DYRK1A: variants seen among roughly 807,000 people sequenced by gnomAD.
DYRK1A encodes dual specificity tyrosine phosphorylation regulated kinase 1A, also known as dual specificity tyrosine-phosphorylation-regulated kinase 1A.
Under a neutral mutation model 79.7 loss-of-function variants are expected in DYRK1A, and 9 were observed. The observed-to-expected ratio is 0.11, with a 90% CI of 0.07 to 0.20. The LOEUF is 0.20. Ranked by LOEUF, DYRK1A falls within the 10% of genes least tolerant of loss-of-function variation. The pLI, the probability that DYRK1A is intolerant of heterozygous loss-of-function variation, is 1.00. For synonymous variants in DYRK1A, 349 were observed against 329.7 expected (o/e 1.06, Z -0.63); for missense variants, 622 against 956.0 (o/e 0.65, Z 4.61).
chr21:37,458,869 CCTT>C (rs1351538979), intron 2 of DYRK1A, among the ~76,000 whole-genome samples: 2 of 152,116 alleles, frequency 1.3e-5, no homozygotes, highest in African/African-American at 4.8e-5. Flanking sequence ...CCCCTGCTCT[CCTT>C]AACTATCCTA....
At position 37,462,786 on chromosome 21, in the gene DYRK1A, AG is replaced by A. The variant is rs545676897; in HGVS notation, c.11-9897del. Among the ~76,000 whole-genome samples, 753 of 152,236 alleles carry A rather than the reference AG, an allele frequency of 4.9e-3. 6 individuals carry two copies. The highest frequency in any genetic ancestry group is 0.018 in the African/African-American group (734 of 41,530). On this transcript the variant is annotated intron_variant, in intron 2 of 11. Transcript: ENST00000647188. ...ATATTGTACCCTGGAAAGTGCCTCT[AG>A]ATAGGAAACCAGGGGGATTGTAGGG... is the stretch of plus-strand genomic sequence containing the variant.
chr21:37,434,982 T>C (rs760178876), intron 2 of DYRK1A, among the ~76,000 whole-genome samples: 1 of 152,232 alleles, frequency 6.6e-6, no homozygotes, highest in Non-Finnish European at 1.5e-5. Flanking sequence ...AAAACTCACA[T>C]GTCTATATAG....
intron 1 of DYRK1A, among the ~76,000 whole-genome samples, chr21:37,403,184 A>G (rs1489897188): frequency 1.3e-5 from 2 of 151,384 alleles, no homozygotes; most frequent in African/African-American, 2.4e-5. Flanking sequence ...TATGTTATTC[A>G]TTTTTAGAGT....
chr21:37,373,628 C>T (rs770008286), intron 1 of DYRK1A, among the ~76,000 whole-genome samples: 1 of 152,216 alleles, frequency 6.6e-6, no homozygotes, highest in African/African-American at 2.4e-5. Flanking sequence ...GGCAGTTTCT[C>T]ACTACATCCA....
intron 6 of DYRK1A, chr21:37,487,893 T>TA (rs1436163274): frequency 6.6e-6 from 1 of 152,160 alleles, no homozygotes; most frequent in Non-Finnish European, 1.5e-5. Context: ...AGTTATAACT[T>TA]ACATGAGGTG....
At position 37,481,860 on chromosome 21, in the gene DYRK1A, AT is replaced by A. The variant is rs201045654; in HGVS notation, c.489+1035del. ...GTCTCTATTCATTTAAAAAAAAAAA[AT>A]GTTAGGGGGATCTCTGGTTGTGGTC... On this transcript the variant is annotated intron_variant, in intron 5 of 11. Coordinates refer to ENST00000647188, the MANE Select transcript of DYRK1A (RefSeq NM_001347721.2). Among the ~76,000 whole-genome samples, 1,416 of 151,362 alleles carry A rather than the reference AT, an allele frequency of 9.4e-3. 25 individuals carry two copies. Among genetic ancestry groups the A allele is most frequent in the African/African-American group, 0.034 (1,373 of 40,798 alleles).
intron 2 of DYRK1A, among the ~76,000 whole-genome samples, chr21:37,461,608 AT>A (rs1234914067): frequency 6.6e-6 from 1 of 152,092 alleles, no homozygotes; most frequent in East Asian, 1.9e-4. Flanking sequence ...CTGAAAAAGT[AT>A]TTTGCCTTCG....
At chr21:37,477,386 G>A (rs934326959) in intron 3 of DYRK1A, among the ~76,000 whole-genome samples, 1 of 152,188 alleles carries the variant, frequency 6.6e-6, no homozygotes, top group Non-Finnish European at 1.5e-5. Flanking sequence ...TTTGACTGAG[G>A]CATGGCACTT....
intron 1 of DYRK1A, among the ~76,000 whole-genome samples, chr21:37,400,408 A>T (rs1028566416): frequency 7.2e-5 from 11 of 152,138 alleles, no homozygotes; most frequent in Admixed American, 3.9e-4. Flanking sequence ...AGCTTATCAC[A>T]CTCCTATAAA....
At chr21:37,469,392 T>C (rs1432023845) in intron 2 of DYRK1A, among the ~76,000 whole-genome samples, 1 of 152,216 alleles carries the variant, frequency 6.6e-6, no homozygotes, top group Non-Finnish European at 1.5e-5. Context: ...CATATTGTTG[T>C]AAAGCAAGGT....
At chr21:37,442,794 C>T (rs2051147905) in intron 2 of DYRK1A, among the ~76,000 whole-genome samples, 1 of 152,014 alleles carries the variant, frequency 6.6e-6, no homozygotes, top group Non-Finnish European at 1.5e-5. Context: ...TCCATGACAT[C>T]CCTTAGATAT....
chr21:37,487,348 CAGA>C (rs1328975849), intron 6 of DYRK1A: 2 of 152,074 alleles, frequency 1.3e-5, no homozygotes, highest in African/African-American at 4.8e-5. Context: ...AAATAGGAGA[CAGA>C]AGAATTATGA....
intron 2 of DYRK1A, among the ~76,000 whole-genome samples, chr21:37,421,121 A>G (rs866452584): frequency 3.2e-4 from 49 of 152,158 alleles, no homozygotes; most frequent in African/African-American, 1.1e-3. Context: ...TAAATTAGGC[A>G]TATTATAAGG....
intron 1 of DYRK1A, among the ~76,000 whole-genome samples, chr21:37,403,465 A>G (rs1038992622): frequency 2.0e-5 from 3 of 151,840 alleles, no homozygotes; most frequent in African/African-American, 7.3e-5. Flanking sequence ...AAAAACAACA[A>G]CAGAGGCAAG....
At chr21:37,487,000 A>T (rs2052894412) in intron 6 of DYRK1A, 1 of 154,088 alleles carries the variant, frequency 6.5e-6, no homozygotes, top group Admixed American at 6.5e-5. Context: ...TGGTTGTGGA[A>T]CCATTTTTGG....
rs1194216990 is a variant in DYRK1A, at chr21:37,514,619, G to T, written c.*2088G>T. 1 of 152,426 alleles carries T rather than the reference G, an allele frequency of 6.6e-6. No individual in the cohort carries two copies. The highest frequency in any genetic ancestry group is 1.5e-5 in the Non-Finnish European group (1 of 68,000). The allele number at this position is 152,426 out of a possible 1,614,324, so 9.4% of individuals were successfully genotyped here. A position where few individuals can be genotyped will look rare whatever the true frequency, so the allele number is the denominator to read the frequency against. ...TGTGAATGGAAACTTGGAAATACTC[G>T]TTTTTATAAACTACAAAAACTTTTT... On this transcript the variant is annotated 3_prime_UTR_variant, in exon 12 of 12. Transcript: ENST00000647188.
chr21:37,384,140 C>T (rs566994795), intron 1 of DYRK1A, among the ~76,000 whole-genome samples: 2 of 152,056 alleles, frequency 1.3e-5, no homozygotes, highest in Non-Finnish European at 2.9e-5. Context: ...CACGTGGCCC[C>T]ACTAAGTTGA....
intron 2 of DYRK1A, chr21:37,464,222 T>C: frequency 6.5e-6 from 3 of 458,448 alleles, no homozygotes; most frequent in South Asian, 3.3e-5. Flanking sequence ...TTGAATCTTA[T>C]GTCCCAGTCT....
chr21:37,390,865 C>T (rs558288381), intron 1 of DYRK1A, among the ~76,000 whole-genome samples: 2 of 152,300 alleles, frequency 1.3e-5, no homozygotes, highest in South Asian at 2.1e-4. Flanking sequence ...CCACCACGCC[C>T]GGCCTGTTAC....
Sources: gnomAD v4.1 joint callset for allele counts (sites outside exome capture counted in the v4.1 genomes callset) on GRCh38, gnomAD v4.1.1 for gene constraint, MANE v1.5 for transcripts, NCBI Gene and HGNC (gene_info 2026-07-23, HGNC 2026-07-21) for gene names.